MRPL54: variants seen among roughly 807,000 people sequenced by gnomAD.
MRPL54 encodes the protein large ribosomal subunit protein mL54.
Under a neutral mutation model 15.6 loss-of-function variants are expected in MRPL54, and 12 were observed. That is an observed-to-expected ratio of 0.77 (90% CI 0.49 to 1.24). The LOEUF is 1.24. Ranked by LOEUF, MRPL54 falls within the 50% of genes most tolerant of loss-of-function variation. The pLI is 0.00. For missense variants in MRPL54, 178 were observed against 186.8 expected, an observed-to-expected ratio of 0.95 and a Z score of 0.28; for synonymous variants, 91 against 75.7, an observed-to-expected ratio of 1.20 and a Z score of -1.05.
intron 1 of MRPL54, among the ~76,000 whole-genome samples, chr19:3,763,382 AT>A (rs1222805924): frequency 2.0e-5 from 3 of 152,226 alleles, no homozygotes; most frequent in African/African-American, 7.2e-5. Flanking sequence ...CAGACAAAAT[AT>A]AACTTGAATG....
intron 1 of MRPL54, 89 bp downstream of exon 1, chr19:3,762,907 G>C: frequency 2.7e-6 from 3 of 1,094,140 alleles, no homozygotes; most frequent in Non-Finnish European, 3.9e-6. Flanking sequence ...GGTGGTGCTA[G>C]AACTGATGCG....
At chr19:3,765,057 A>G in intron 1 of MRPL54, 109 bp from the exon 2 acceptor site, 1 of 1,091,826 alleles carries the variant, frequency 9.2e-7, no homozygotes, top group Non-Finnish European at 1.3e-6. Context: ...TTTTGAGTGT[A>G]GCAGAGTCCA....
chr19:3,763,740 TAG>T, intron 1 of MRPL54, among the ~76,000 whole-genome samples: 2 of 151,944 alleles, frequency 1.3e-5, no homozygotes, highest in African/African-American at 4.8e-5. Flanking sequence ...GGTGAAACCC[TAG>T]CTCTACTAAA....
chr19:3,763,555 G>A (rs541688451), intron 1 of MRPL54, among the ~76,000 whole-genome samples: 1 of 151,494 alleles, frequency 6.6e-6, no homozygotes, highest in African/African-American at 2.4e-5. Flanking sequence ...AGGGAGGATC[G>A]ATTGCTTGAA....
chr19:3,764,803 C>T (rs1433049645), intron 1 of MRPL54, among the ~76,000 whole-genome samples: 3 of 151,684 alleles, frequency 2.0e-5, no homozygotes, highest in South Asian at 2.1e-4. Flanking sequence ...CCAAGGTGGG[C>T]AGATCACGAG....
In MRPL54 at chr19:3,765,022, G is replaced by A. The variant is rs529111186; in HGVS notation, c.119-144G>A. On this transcript the variant is annotated intron_variant, in intron 1 of 2. Coordinates refer to ENST00000330133, the MANE Select transcript of MRPL54 (RefSeq NM_172251.3). ...CACCTGGGCAACAGAGCGAGACTCCGTCTCAAAAAAAAAAAAAAAGAAAGT... is the reference window on the plus strand; with the variant it reads ...CACCTGGGCAACAGAGCGAGACTCCATCTCAAAAAAAAAAAAAAAGAAAGT... 1,803 of 825,150 alleles carry A rather than the reference G, an allele frequency of 2.2e-3. 5 individuals carry two copies. The highest frequency in any genetic ancestry group is 2.9e-3 in the Non-Finnish European group (1,617 of 561,370). The allele number at this position is 825,150 out of a possible 1,614,324, so 51.1% of individuals were successfully genotyped here.
intron 1 of MRPL54, 111 bp from the exon 2 acceptor site, chr19:3,765,055 G>A: frequency 9.5e-7 from 1 of 1,051,984 alleles, no homozygotes; most frequent in Non-Finnish European, 1.3e-6. Context: ...AGTTTTGAGT[G>A]TAGCAGAGTC....
In MRPL54 at chr19:3,767,483, C is replaced by T. The variant is rs1034046376; in HGVS notation, c.*90C>T. 2 of 1,542,182 alleles carry T rather than the reference C, an allele frequency of 1.3e-6. No individual in the cohort carries two copies. The highest frequency in any genetic ancestry group is 1.7e-6 in the Non-Finnish European group (2 of 1,149,348). ...CTTTTGTGAGACAAGAGGCGGCTCC[C>T]CAGCCTGGGTTTCCATGTGACCCCA... On this transcript the variant is annotated 3_prime_UTR_variant, in exon 3 of 3. Transcript: ENST00000330133.
intron 2 of MRPL54, among the ~76,000 whole-genome samples, chr19:3,766,690 T>C (rs2037200978): frequency 6.6e-6 from 1 of 151,864 alleles, no homozygotes; most frequent in South Asian, 2.1e-4. Context: ...GGCAGGAGAA[T>C]GAGGGACAGA....
rs1310370081 is a variant in MRPL54 at position 3,767,327 on chromosome 19, C to G, written c.351C>G (p.Tyr117Ter). The change falls in exon 3 of 3, where the codon TAC (tyrosine) becomes TAG (stop). Residue 117 changes from tyrosine to a stop codon, truncating the protein, a stop_gained. Transcript: ENST00000330133. LOFTEE classifies it high-confidence loss of function. ...AGCTGGACCCCGAGAGCCGGGAGTA[C>G]TGGCGGCGGCTGCGGAAACAGAACA... is the stretch of plus-strand genomic sequence containing the variant. ...LEELDPESRE[Y>*]WRRLRKQNIW... 2.5e-6 allele frequency: 4 copies of G among 1,610,928 alleles called. No individual in the cohort carries two copies. The highest frequency in any genetic ancestry group is 3.4e-6 in the Non-Finnish European group (4 of 1,178,994).
At chr19:3,767,040 G>A (rs1034329767) in intron 2 of MRPL54, among the ~76,000 whole-genome samples, 8 of 152,180 alleles carry the variant, frequency 5.3e-5, no homozygotes, top group African/African-American at 7.2e-5. Context: ...AGGGCTTGGC[G>A]TGTGCCAGCC....
rs557721648 is a variant in MRPL54, at chr19:3,764,984, C to T, written c.119-182C>T. 1.9e-3 allele frequency among the ~76,000 whole-genome samples: 280 copies of T among 150,806 alleles called. 1 individual carries two copies. The highest frequency in any genetic ancestry group is 6.4e-3 in the African/African-American group (262 of 41,016). On this transcript the variant is annotated intron_variant, in intron 1 of 2. Transcript: ENST00000330133. Reference sequence around the variant, plus strand: ...CGGAGCTTGCAGTGAGCTGAGACTGCGCCACTGCACTCCACCTGGGCAACA... The same window carrying T: ...CGGAGCTTGCAGTGAGCTGAGACTGTGCCACTGCACTCCACCTGGGCAACA...
At chr19:3,763,330 G>A (rs1042333570) in intron 1 of MRPL54, among the ~76,000 whole-genome samples, 1 of 152,206 alleles carries the variant, frequency 6.6e-6, no homozygotes, top group African/African-American at 2.4e-5. Context: ...TTGTTGAAAG[G>A]GGGAAATTGT....
intron 1 of MRPL54, 35 bp downstream of exon 1, chr19:3,762,853 T>C (rs774413505): frequency 4.7e-6 from 7 of 1,476,720 alleles, no homozygotes; most frequent in African/African-American, 1.4e-5. Context: ...ATGGGGACGG[T>C]GGGTGCACTG....
rs1222348870 is a variant in MRPL54 at position 3,767,453 on chromosome 19, G to A, written c.*60G>A. ...AGGGCTTGCCGTTTTCCCGGAGGACGTGGACTTTTGTGAGACAAGAGGCGG... is the reference window on the plus strand; with the variant it reads ...AGGGCTTGCCGTTTTCCCGGAGGACATGGACTTTTGTGAGACAAGAGGCGG... On this transcript the variant is annotated 3_prime_UTR_variant, in exon 3 of 3. Transcript: ENST00000330133. The A allele has an allele frequency of 5.7e-6, 9 of 1,585,098 alleles. No homozygotes were observed. The highest frequency in any genetic ancestry group is 2.7e-5 in the African/African-American group (2 of 73,006).
At position 3,765,267 on chromosome 19, in the gene MRPL54, G is replaced by A; in HGVS notation, c.220G>A (p.Gly74Ser). 6.2e-7 allele frequency: 1 copy of A among 1,614,028 alleles called. No homozygotes were observed. Among genetic ancestry groups the A allele is most frequent in the African/African-American group, 1.3e-5 (1 of 75,038 alleles). ...TGTCCAGCTCACCACATATGCCATGGGCGTCAACATCTACAAGGAAGGGCA... is the reference window on the plus strand; with the variant it reads ...TGTCCAGCTCACCACATATGCCATGAGCGTCAACATCTACAAGGAAGGGCA... ...DPVQLTTYAMGVNIYKEGQDV... is the reference protein window; with the variant it reads ...DPVQLTTYAMSVNIYKEGQDV... Residue 74 changes from glycine to serine, a missense_variant, in exon 2 of 3, where the codon GGC (glycine) becomes AGC (serine). Physicochemically the swap from Gly to Ser is moderately conservative, Grantham distance 56. Transcript: ENST00000330133.
At chr19:3,766,243 A>G (rs544832771) in intron 2 of MRPL54, among the ~76,000 whole-genome samples, 8 of 152,124 alleles carry the variant, frequency 5.3e-5, no homozygotes, top group Admixed American at 2.6e-4. Flanking sequence ...ACACCCAGCT[A>G]ATTTTTGTAT....
chr19:3,762,833 G>A lies in MRPL54; in HGVS notation c.118+15G>A, dbSNP rs368083630. 61 of 1,546,468 alleles carry A rather than the reference G, an allele frequency of 3.9e-5. No homozygotes were observed. In the Middle Eastern group the frequency reaches 5.2e-4, roughly 13 times the overall value. Reference sequence around the variant, plus strand: ...CAAGAAACCAGGTGAGCTGGGTTAAGAGGAACCAAATGGGGACGGTGGGTG... The same window carrying A: ...CAAGAAACCAGGTGAGCTGGGTTAAAAGGAACCAAATGGGGACGGTGGGTG... On this transcript the variant is annotated intron_variant, in intron 1 of 2. Transcript: ENST00000330133.
intron 1 of MRPL54, 100 bp downstream of exon 1, chr19:3,762,918 C>G: frequency 9.7e-7 from 1 of 1,026,848 alleles, no homozygotes; most frequent in Non-Finnish European, 1.4e-6. Context: ...AACTGATGCG[C>G]AAGCGCAGAG....
Sources: allele counts gnomAD v4.1 joint callset (sites outside exome capture counted in the v4.1 genomes callset), GRCh38; gene constraint gnomAD v4.1.1; transcripts MANE v1.5; gene names NCBI Gene and HGNC (gene_info 2026-07-23, HGNC 2026-07-21).